Variants in SMYD3 observed in about 807,000 individuals in gnomAD.
SMYD3 encodes histone-lysine N-methyltransferase SMYD3.
In SMYD3, 36 loss-of-function variants were observed where a neutral mutation model predicts 57.7. The observed-to-expected ratio is 0.62, with a 90% confidence interval of 0.48 to 0.82. SMYD3 has a LOEUF of 0.82. Among genes scored for constraint, SMYD3 ranks in the 40% least tolerant of loss-of-function variants. SMYD3 has a pLI of 0.00. For missense variants in SMYD3, 515 were observed against 538.8 expected (o/e 0.96, Z 0.44); for synonymous variants, 211 against 195.0 (o/e 1.08, Z -0.68).
intron 5 of SMYD3, among the ~76,000 whole-genome samples, chr1:246,253,027 T>C (rs2063821162): frequency 6.6e-6 from 1 of 152,216 alleles, no homozygotes; most frequent in Non-Finnish European, 1.5e-5. Flanking sequence ...TATTTGACAT[T>C]TCAATTTCAG....
At chr1:246,429,010 C>T (rs1040169827) in intron 1 of SMYD3, among the ~76,000 whole-genome samples, 1 of 92,082 alleles carries the variant, frequency 1.1e-5, no homozygotes, top group African/African-American at 3.6e-5. Context: ...AGCATTCCTT[C>T]CTACCAAACA....
At position 246,202,634 on chromosome 1, in the gene SMYD3, C is replaced by G. The variant is rs1365301966; in HGVS notation, c.531+124567G>C. On this transcript the variant is annotated intron_variant, in intron 5 of 11. Coordinates refer to ENST00000490107, the MANE Select transcript of SMYD3 (RefSeq NM_001167740.2). The surrounding 1 kb of genome is among the most constrained non-coding windows in gnomAD (Gnocchi z 4.1). The stretch of plus-strand genomic sequence containing the variant: ...CACAGTCTCAGAAATGCAATTCCTC[C>G]TTGAAAACAACAGTTCTTGACAACA... Among the ~76,000 whole-genome samples the G allele has an allele frequency of 1.3e-5, 2 of 152,242 alleles. No individual in the cohort carries two copies. Among genetic ancestry groups the G allele is most frequent in the African/African-American group, 4.8e-5 (2 of 41,468 alleles).
At chr1:246,399,079 T>C (rs1369006192) in intron 1 of SMYD3, among the ~76,000 whole-genome samples, 1 of 152,194 alleles carries the variant, frequency 6.6e-6, no homozygotes, top group East Asian at 1.9e-4. Context: ...TGCAGTGCAG[T>C]GGCATGATCC....
At chr1:246,215,843 T>C (rs949429326) in intron 5 of SMYD3, among the ~76,000 whole-genome samples, 14 of 152,196 alleles carry the variant, frequency 9.2e-5, no homozygotes, top group African/African-American at 3.4e-4. Flanking sequence ...GTGTAACTAT[T>C]TGGAGGAAAG....
intron 5 of SMYD3, among the ~76,000 whole-genome samples, chr1:246,303,055 C>T (rs759765648): frequency 3.4e-4 from 51 of 152,186 alleles, no homozygotes; most frequent in Non-Finnish European, 6.5e-4. Context: ...AGCTACAGCA[C>T]TGAGCTCCTA....
intron 10 of SMYD3, among the ~76,000 whole-genome samples, chr1:245,772,201 G>A (rs2046365464): frequency 6.6e-6 from 1 of 152,214 alleles, no homozygotes; most frequent in South Asian, 2.1e-4. Context: ...GTGAGTAACA[G>A]AAAGAAAATT....
chr1:246,328,642 T>TA (rs1181862582), intron 4 of SMYD3, among the ~76,000 whole-genome samples: 1 of 151,916 alleles, frequency 6.6e-6, no homozygotes, highest in African/African-American at 2.4e-5. Context: ...ATATGCTTGT[T>TA]AATTTTTTTT....
chr1:246,397,564 A>C (rs978421544), intron 1 of SMYD3, among the ~76,000 whole-genome samples: 1 of 152,144 alleles, frequency 6.6e-6, no homozygotes, highest in Non-Finnish European at 1.5e-5. Context: ...GGCCCTCAAG[A>C]AGTGAATGGT....
chr1:245,977,127 C>T (rs560798549), intron 5 of SMYD3, among the ~76,000 whole-genome samples: 10 of 152,336 alleles, frequency 6.6e-5, no homozygotes, highest in African/African-American at 2.2e-4. Context: ...CCCTTGAATC[C>T]ATTCTCTATA....
chr1:246,428,887 C>T (rs2067259399), intron 1 of SMYD3, among the ~76,000 whole-genome samples: 1 of 151,908 alleles, frequency 6.6e-6, no homozygotes, highest in Admixed American at 6.5e-5. Context: ...GTTCCCTCTG[C>T]TCTGCCCTCT....
intron 5 of SMYD3, among the ~76,000 whole-genome samples, chr1:246,074,308 A>G (rs531983091): frequency 6.7e-6 from 1 of 148,790 alleles, no homozygotes; most frequent in East Asian, 2.0e-4. Flanking sequence ...CTAGTAAAGC[A>G]TGTTTTGCAA....
At chr1:246,423,335 G>C (rs2067172290) in intron 1 of SMYD3, among the ~76,000 whole-genome samples, 2 of 151,702 alleles carry the variant, frequency 1.3e-5, no homozygotes, top group South Asian at 4.2e-4. Context: ...AATAGAGTCA[G>C]AAGGAAAACA....
chr1:245,824,489 G>C (rs191173159), intron 10 of SMYD3, among the ~76,000 whole-genome samples: 7 of 152,306 alleles, frequency 4.6e-5, no homozygotes, highest in Admixed American at 4.6e-4. Context: ...GGCCAAGGCG[G>C]GTGGATCACT....
intron 5 of SMYD3, among the ~76,000 whole-genome samples, chr1:246,134,914 G>T (rs953612202): frequency 3.5e-5 from 5 of 143,726 alleles, no homozygotes; most frequent in Non-Finnish European, 6.1e-5. Context: ...ACATCCCCAA[G>T]AAAATGTTCC....
chr1:245,817,153 C>G (rs1318147877), intron 10 of SMYD3, among the ~76,000 whole-genome samples: 3 of 150,516 alleles, frequency 2.0e-5, no homozygotes, highest in African/African-American at 4.9e-5. Flanking sequence ...CCCTGTCTGA[C>G]AGCTTTGAAG....
Position 246,489,228 on chromosome 1 carries a change from C to T in SMYD3, c.164+17826G>A, listed in dbSNP as rs577717896. On this transcript the variant is annotated intron_variant, in intron 1 of 11. Transcript: ENST00000490107. ...GGGCGTGGTGGCGGGCGCCTGTAGT[C>T]CCAGCTACTCAGGAGGCTGAGGCAG... Among the ~76,000 whole-genome samples, 323 of 152,238 alleles carry T rather than the reference C, an allele frequency of 2.1e-3. 1 individual carries two copies. Among genetic ancestry groups the T allele is most frequent in the African/African-American group, 7.4e-3 (306 of 41,546 alleles).
At chr1:246,483,423 C>CA (rs1308132244) in intron 1 of SMYD3, 8 of 152,188 alleles carry the variant, frequency 5.3e-5, no homozygotes, top group Admixed American at 3.3e-4. Context: ...AGACTAACAT[C>CA]AAAACACTTA....
intron 10 of SMYD3, among the ~76,000 whole-genome samples, chr1:245,794,205 C>G (rs1397250866): frequency 6.6e-6 from 1 of 152,214 alleles, no homozygotes; most frequent in African/African-American, 2.4e-5. Context: ...ATACTCAACA[C>G]TGTTCTACGC....
intron 10 of SMYD3, among the ~76,000 whole-genome samples, chr1:245,803,597 C>G (rs562961393): frequency 4.3e-4 from 65 of 152,278 alleles, no homozygotes; most frequent in Non-Finnish European, 6.8e-4. Flanking sequence ...ACCCCAGCCA[C>G]GTGGAGGCTA....
Sources: gnomAD v4.1 joint callset for allele counts (sites outside exome capture counted in the v4.1 genomes callset) on GRCh38, gnomAD v4.1.1 for gene constraint, Gnocchi (gnomAD v3.1) non-coding constraint, MANE v1.5 for transcripts, NCBI Gene and HGNC (gene_info 2026-07-23, HGNC 2026-07-21) for gene names.